The following VAT1L variants were observed in gnomAD, a reference collection of about 807,000 sequenced individuals.
VAT1L encodes the protein putative NADPH-dependent quinone oxidoreductase VAT1L.
Under a neutral mutation model 44.1 loss-of-function variants are expected in VAT1L, and 34 were observed. The ratio of observed to expected loss-of-function variants is 0.77; its 90% CI spans 0.59 to 1.03. VAT1L has a LOEUF of 1.03. Among genes scored for constraint, VAT1L ranks in the 50% least tolerant of loss-of-function variants. The pLI is 0.00. For synonymous variants in VAT1L, 253 were observed against 202.2 expected, an observed-to-expected ratio of 1.25 and a Z score of -2.13; for missense variants, 615 against 538.8, an observed-to-expected ratio of 1.14 and a Z score of -1.40.
At chr16:77,799,225 T>C (rs2145210834) in intron 1 of VAT1L, among the ~76,000 whole-genome samples, 1 of 150,760 alleles carries the variant, frequency 6.6e-6, no homozygotes, top group East Asian at 2.0e-4. Context: ...CCTCCTCTCC[T>C]TGTCTCTCCC....
intron 6 of VAT1L, among the ~76,000 whole-genome samples, chr16:77,881,608 C>G (rs1309660487): frequency 2.6e-5 from 4 of 152,224 alleles, no homozygotes. Flanking sequence ...CCAGAAACAT[C>G]AGCCCCAAAC....
At position 77,977,617 on chromosome 16, in the gene VAT1L, G is replaced by C. The variant is rs1169313433; in HGVS notation, c.1182G>C (p.Glu394Asp). The C allele has an allele frequency of 7.4e-6, 12 of 1,613,986 alleles. No homozygotes were observed. The highest frequency in any genetic ancestry group is 1.0e-5 in the Non-Finnish European group (12 of 1,179,994). The change falls in exon 9 of 9, where the codon GAG becomes GAC. Residue 394 changes from glutamate (E) to aspartate (D), a missense_variant. Coordinates refer to ENST00000302536, the MANE Select transcript of VAT1L (RefSeq NM_020927.3). Reference protein sequence around the residue: ...PTPLMANDSTETSEAGEEEED... With the variant: ...PTPLMANDSTDTSEAGEEEED... ...TACAGATGGCCAATGACAGCACAGA[G>C]ACCAGTGAAGCAGGGGAAGAGGAGG...
chr16:77,961,397 G>C (rs2018158789), intron 7 of VAT1L, among the ~76,000 whole-genome samples: 1 of 152,038 alleles, frequency 6.6e-6, no homozygotes, highest in African/African-American at 2.4e-5. Flanking sequence ...TCACCTTCTT[G>C]TTCCCTTACC....
chr16:77,802,031 G>A (rs549018196), intron 1 of VAT1L, among the ~76,000 whole-genome samples: 2 of 152,254 alleles, frequency 1.3e-5, no homozygotes, highest in Admixed American at 1.3e-4. Context: ...GTCTGACCCC[G>A]GAGGAGAGAC....
At chr16:77,915,617 A>T (rs1246907858) in intron 7 of VAT1L, among the ~76,000 whole-genome samples, 3 of 152,210 alleles carry the variant, frequency 2.0e-5, no homozygotes, top group African/African-American at 7.2e-5. Flanking sequence ...CATGGGTTAA[A>T]ACTGCATAAG....
intron 8 of VAT1L, among the ~76,000 whole-genome samples, chr16:77,973,377 C>T (rs765474086): frequency 4.3e-4 from 65 of 152,016 alleles, no homozygotes; most frequent in Admixed American, 2.9e-3. Flanking sequence ...CTCCGCCTCC[C>T]GGGTTCAAGC....
intron 7 of VAT1L, among the ~76,000 whole-genome samples, chr16:77,931,601 C>T (rs1278691836): frequency 2.0e-5 from 3 of 152,202 alleles, no homozygotes; most frequent in African/African-American, 7.2e-5. Context: ...TACTTTTCAT[C>T]ATACGTTTTA....
At chr16:77,968,976 AC>A (rs1171551360) in intron 7 of VAT1L, among the ~76,000 whole-genome samples, 1 of 151,714 alleles carries the variant, frequency 6.6e-6, no homozygotes, top group East Asian at 2.0e-4. Flanking sequence ...CCACCACCAC[AC>A]CCAACTAATT....
chr16:77,889,775 CAA>C (rs774918637), intron 7 of VAT1L, among the ~76,000 whole-genome samples: 6 of 152,148 alleles, frequency 3.9e-5, no homozygotes, highest in African/African-American at 9.7e-5. Flanking sequence ...GCTTTGAAAA[CAA>C]GAGAGAACAA....
At chr16:77,954,428 C>A (rs927622104) in intron 7 of VAT1L, among the ~76,000 whole-genome samples, 1 of 152,110 alleles carries the variant, frequency 6.6e-6, no homozygotes, top group Non-Finnish European at 1.5e-5. Flanking sequence ...AGTTCGAGAC[C>A]AGCCTGACCA....
intron 8 of VAT1L, among the ~76,000 whole-genome samples, chr16:77,974,344 T>G (rs2018312761): frequency 6.6e-6 from 1 of 152,102 alleles, no homozygotes; most frequent in African/African-American, 2.4e-5. Context: ...CCTGGAAGCT[T>G]ATGGCTTTCA....
At chr16:77,861,905 C>A (rs181007338) in intron 3 of VAT1L, among the ~76,000 whole-genome samples, 1 of 152,196 alleles carries the variant, frequency 6.6e-6, no homozygotes, top group Non-Finnish European at 1.5e-5. Context: ...TAGATATGGC[C>A]TTGATAACAC....
chr16:77,861,155 C>G (rs146147614), intron 3 of VAT1L, among the ~76,000 whole-genome samples: 2 of 152,102 alleles, frequency 1.3e-5, no homozygotes, highest in African/African-American at 4.8e-5. Flanking sequence ...AATTGACCTG[C>G]CAACCTGATT....
At chr16:77,869,670 A>G (rs1232702038) in intron 4 of VAT1L, among the ~76,000 whole-genome samples, 1 of 152,164 alleles carries the variant, frequency 6.6e-6, no homozygotes, top group African/African-American at 2.4e-5. Context: ...CCCAGTCTCA[A>G]TGATTAAAAA....
At chr16:77,966,650 C>T (rs2018225864) in intron 7 of VAT1L, among the ~76,000 whole-genome samples, 1 of 152,120 alleles carries the variant, frequency 6.6e-6, no homozygotes, top group Non-Finnish European at 1.5e-5. Context: ...TAGTTTCTAG[C>T]CATATTTTCA....
At chr16:77,842,219 C>G (rs1039607445) in intron 3 of VAT1L, among the ~76,000 whole-genome samples, 2 of 152,304 alleles carry the variant, frequency 1.3e-5, no homozygotes, top group Middle Eastern at 6.8e-3. Context: ...TCTGGTTGCT[C>G]TTTTCCAAGG....
chr16:77,948,515 T>C (rs1356362725), intron 7 of VAT1L, among the ~76,000 whole-genome samples: 1 of 152,142 alleles, frequency 6.6e-6, no homozygotes, highest in Non-Finnish European at 1.5e-5. Flanking sequence ...AGCTCAAAGT[T>C]CACATTTTGT....
intron 6 of VAT1L, chr16:77,882,114 G>A (rs1276363624): frequency 6.6e-6 from 1 of 152,216 alleles, no homozygotes; most frequent in Admixed American, 6.5e-5. Flanking sequence ...CTCAAACACT[G>A]AGGGTCATTT....
intron 7 of VAT1L, among the ~76,000 whole-genome samples, chr16:77,964,226 A>G (rs540806045): frequency 6.6e-6 from 1 of 152,182 alleles, no homozygotes; most frequent in Non-Finnish European, 1.5e-5. Flanking sequence ...ACCCACCTAC[A>G]TTAGTGTCCT....
Sources: gnomAD v4.1 joint callset for allele counts (sites outside exome capture counted in the v4.1 genomes callset) on GRCh38, gnomAD v4.1.1 for gene constraint, MANE v1.5 for transcripts, NCBI Gene and HGNC (gene_info 2026-07-23, HGNC 2026-07-21) for gene names.